SLMAP: variants seen among roughly 807,000 people sequenced by gnomAD.
SLMAP encodes sarcolemmal membrane-associated protein.
In SLMAP, 44 loss-of-function variants were observed where a neutral mutation model predicts 128.8. That is an observed-to-expected ratio of 0.34 (90% CI 0.27 to 0.44). The LOEUF is 0.44. Ranked by LOEUF, SLMAP falls within the 20% of genes least tolerant of loss-of-function variation. The pLI, the probability that SLMAP is intolerant of heterozygous loss-of-function variation, is 1.00. For missense variants in SLMAP, 787 were observed against 985.3 expected, an observed-to-expected ratio of 0.80 and a Z score of 2.69; for synonymous variants, 327 against 348.8, an observed-to-expected ratio of 0.94 and a Z score of 0.70.
intron 22 of SLMAP, chr3:57,917,791 G>C (rs184627166): frequency 6.6e-6 from 1 of 152,390 alleles, no homozygotes; most frequent in African/African-American, 2.4e-5. Flanking sequence ...ACCACTCCCT[G>C]CATTGACTCC....
intron 17 of SLMAP, among the ~76,000 whole-genome samples, chr3:57,906,825 A>G (rs1299150094): frequency 6.6e-6 from 1 of 151,738 alleles, no homozygotes; most frequent in Non-Finnish European, 1.5e-5. Context: ...CATTAGAACA[A>G]TATGGCTTAC....
At chr3:57,840,813 G>A (rs2093897559) in intron 3 of SLMAP, among the ~76,000 whole-genome samples, 2 of 152,142 alleles carry the variant, frequency 1.3e-5, no homozygotes, top group Admixed American at 6.6e-5. Context: ...TGAGGTCTTG[G>A]TTTTCTCACC....
At chr3:57,906,310 C>CTTTTTTTTCTTTTTCTTTTTT (rs2096550422) in intron 17 of SLMAP, among the ~76,000 whole-genome samples, 1 of 47,048 alleles carries the variant, frequency 2.1e-5, no homozygotes, top group Non-Finnish European at 4.2e-5. Context: ...CTTTTTTTTT[C>CTTTTTTTTCTTTTTCTTTTTT]TTTTTTTTTT....
At chr3:57,839,262 T>C (rs1404674374) in intron 3 of SLMAP, among the ~76,000 whole-genome samples, 9 of 151,962 alleles carry the variant, frequency 5.9e-5, no homozygotes, top group Admixed American at 5.2e-4. Flanking sequence ...TGATCTGTGT[T>C]AGCACTTTTT....
intron 17 of SLMAP, among the ~76,000 whole-genome samples, chr3:57,903,603 A>G (rs1334358988): frequency 6.6e-6 from 1 of 152,216 alleles, no homozygotes; most frequent in Non-Finnish European, 1.5e-5. Context: ...AATTTAGGAT[A>G]TTATGTAGGT....
At chr3:57,849,050 C>T (rs1397127165) in intron 5 of SLMAP, among the ~76,000 whole-genome samples, 1 of 150,790 alleles carries the variant, frequency 6.6e-6, no homozygotes, top group Non-Finnish European at 1.5e-5. Flanking sequence ...CTCTGTCGTC[C>T]AGGCTGAAGT....
At chr3:57,759,373 G>C (rs2078178272) in intron 2 of SLMAP, among the ~76,000 whole-genome samples, 1 of 152,006 alleles carries the variant, frequency 6.6e-6, no homozygotes, top group Non-Finnish European at 1.5e-5. Context: ...TGCCTCCCGG[G>C]TTCAAGTGAT....
intron 17 of SLMAP, chr3:57,897,336 T>G (rs1575920617): frequency 4.7e-6 from 1 of 214,230 alleles, no homozygotes; most frequent in East Asian, 1.1e-4. Context: ...TTTTCTGGTC[T>G]TCTTCATCTT....
At chr3:57,765,391 A>T (rs1198259212) in intron 2 of SLMAP, among the ~76,000 whole-genome samples, 2 of 151,626 alleles carry the variant, frequency 1.3e-5, no homozygotes, top group African/African-American at 4.8e-5. Context: ...ACCCATCTTA[A>T]AAAAAAATAT....
intron 17 of SLMAP, 50 bp from the exon 18 acceptor site, chr3:57,907,834 T>A: frequency 6.4e-7 from 1 of 1,571,360 alleles, no homozygotes; most frequent in Non-Finnish European, 8.7e-7. Flanking sequence ...TTATTGTAGA[T>A]TATAGTGTGA....
intron 2 of SLMAP, among the ~76,000 whole-genome samples, chr3:57,779,557 A>G (rs2082600618): frequency 6.6e-6 from 1 of 151,854 alleles, no homozygotes; most frequent in African/African-American, 2.4e-5. Context: ...AAATCACCAT[A>G]CGTACTGATA....
chr3:57,890,202 T>C lies in SLMAP; in HGVS notation c.1360+102T>C, dbSNP rs2096022201. The stretch of plus-strand genomic sequence containing the variant: ...GTATTTTAACCATCAGTTTACTTCT[T>C]ATAGCTCACAAAATAGCAAGCCAGT... On this transcript the variant is annotated intron_variant, in intron 15 of 24. Transcript: ENST00000671191. 4 of 1,066,492 alleles carry C rather than the reference T, an allele frequency of 3.8e-6. No individual in the cohort carries two copies. The South Asian group carries it at 5.9e-5, about 16-fold the overall frequency. 66.1% of individuals were successfully genotyped at this position (1,066,492 alleles called of 1,614,324 possible).
intron 4 of SLMAP, among the ~76,000 whole-genome samples, chr3:57,846,252 A>G (rs1327780850): frequency 6.6e-6 from 1 of 152,180 alleles, no homozygotes. Context: ...CTGAGATGCT[A>G]TACTACCTTT....
chr3:57,780,797 C>A (rs1182442074), intron 2 of SLMAP, among the ~76,000 whole-genome samples: 1 of 151,644 alleles, frequency 6.6e-6, no homozygotes, highest in Non-Finnish European at 1.5e-5. Flanking sequence ...GCACGCACCA[C>A]CATGCTTGGC....
chr3:57,807,870 G>A (rs147820113), intron 2 of SLMAP, among the ~76,000 whole-genome samples: 1 of 152,200 alleles, frequency 6.6e-6, no homozygotes, highest in South Asian at 2.1e-4. Context: ...TGTTCCTCTG[G>A]TAGAACTTGG....
chr3:57,848,279 C>CTTCTCCTCCTCT (rs1257058980), intron 5 of SLMAP, among the ~76,000 whole-genome samples: 1 of 147,706 alleles, frequency 6.8e-6, no homozygotes, highest in Admixed American at 6.8e-5. Flanking sequence ...CTTACTCCAT[C>CTTCTCCTCCTCT]TTCTCCTCCT....
At position 57,841,356 on chromosome 3, in the gene SLMAP, C is replaced by T; in HGVS notation, c.404C>T (p.Ala135Val). 6.2e-7 allele frequency: 1 copy of T among 1,606,850 alleles called. No homozygotes were observed. Residue 135 changes from alanine to valine, a missense_variant, in exon 4 of 25, where the codon GCC becomes GTC. Ala to Val is a moderately conservative substitution (Grantham distance 64). Transcript: ENST00000671191. ...IKLFLPDGME[A>V]RLRSDVIHAP... is the part of the protein sequence containing the mutation. ...CTTTTTCTACCAGATGGTATGGAAG[C>T]CCGGCTCCGCTCAGAGTGAGTATAA... is the stretch of plus-strand genomic sequence containing the variant.
In SLMAP at chr3:57,912,565, G is replaced by A. The variant is rs1304757362; in HGVS notation, c.1884G>A (p.Lys628=). ...DIASLQEELK[K]VRAELERWRK... ...CTTCTTTACAAGAAGAGCTTAAGAA[G>A]GTGAGAGCTGAGCTTGAGCGGTGGC... The change falls in exon 20 of 25, where the codon AAG becomes AAA. Residue 628 remains lysine (K), a synonymous_variant. Transcript: ENST00000671191. 8 of 1,614,054 alleles carry A rather than the reference G, an allele frequency of 5.0e-6. No individual in the cohort carries two copies. Among genetic ancestry groups the A allele is most frequent in the African/African-American group, 1.3e-5 (1 of 74,924 alleles).
At chr3:57,820,472 G>A (rs2092397413) in intron 2 of SLMAP, among the ~76,000 whole-genome samples, 1 of 152,242 alleles carries the variant, frequency 6.6e-6, no homozygotes, top group Admixed American at 6.5e-5. Context: ...GTGGGAAATA[G>A]ATTAATCACT....
Sources: gnomAD v4.1 joint callset for allele counts (sites outside exome capture counted in the v4.1 genomes callset) on GRCh38, gnomAD v4.1.1 for gene constraint, MANE v1.5 for transcripts, NCBI Gene and HGNC (gene_info 2026-07-23, HGNC 2026-07-21) for gene names.